The following MTCL3 variants were observed in gnomAD, a reference collection of about 807,000 sequenced individuals.
The protein encoded by MTCL3 is MTCL family member 3, also known as microtubule cross-linking factor 3.
At chr6:127,496,667 C>T in the MTCL3 span, among the ~76,000 whole-genome samples, 3 of 152,148 alleles carry the variant, frequency 2.0e-5, no homozygotes, top group African/African-American at 7.2e-5. Context: ...TTGGAAACAA[C>T]CCAAAATTCC....
the MTCL3 span, among the ~76,000 whole-genome samples, chr6:127,490,570 G>A: frequency 1.3e-5 from 2 of 151,632 alleles, no homozygotes; most frequent in East Asian, 3.9e-4. Context: ...TGTAATCCAA[G>A]CACTTTGGGA....
At chr6:127,473,275 A>T in the MTCL3 span, 4 of 1,514,410 alleles carry the variant, frequency 2.6e-6, no homozygotes, top group Non-Finnish European at 3.5e-6. Context: ...GTAAATGATG[A>T]AAGATTTACA....
chr6:127,485,415 T>C, the MTCL3 span, among the ~76,000 whole-genome samples: 5 of 152,122 alleles, frequency 3.3e-5, no homozygotes. Flanking sequence ...TTGAAGGACA[T>C]TGAATAAAGA....
the MTCL3 span, among the ~76,000 whole-genome samples, chr6:127,478,625 C>T: frequency 6.6e-6 from 1 of 152,100 alleles, no homozygotes; most frequent in Non-Finnish European, 1.5e-5. Context: ...GCACTTAGAG[C>T]TCAGGTCTAG....
chr6:127,492,756 T>G, the MTCL3 span, among the ~76,000 whole-genome samples: 20,975 of 152,184 alleles, frequency 0.14, 2,260 homozygotes, highest in East Asian at 0.64. Context: ...TCTCATGACC[T>G]CGTGATCCAC....
chr6:127,515,412 C>T, the MTCL3 span: 1 of 1,169,308 alleles, frequency 8.6e-7, no homozygotes, highest in Non-Finnish European at 1.2e-6. This position sits in a 1 kb window ranked among gnomAD's most constrained non-coding sequence, Gnocchi z 4.3. Context: ...CTCTTCAAGG[C>T]TCCCTAACAG....
chr6:127,516,359 C>G, the MTCL3 span: 84 of 1,599,152 alleles, frequency 5.3e-5, no homozygotes, highest in Non-Finnish European at 6.8e-5. Context: ...GTGCGGCTCC[C>G]GGTCTTGTTA....
At chr6:127,480,573 G>A in the MTCL3 span, among the ~76,000 whole-genome samples, 19 of 152,130 alleles carry the variant, frequency 1.2e-4, no homozygotes, top group African/African-American at 7.2e-5. Context: ...GTGTGATTTC[G>A]CATAGAAAAA....
the MTCL3 span, chr6:127,516,227 C>T: frequency 1.4e-6 from 2 of 1,432,998 alleles, no homozygotes; most frequent in Non-Finnish European, 1.8e-6. Context: ...GCCAGGGTCG[C>T]GGCGGGGGCC....
chr6:127,498,157 C>G, the MTCL3 span, among the ~76,000 whole-genome samples: 3 of 152,084 alleles, frequency 2.0e-5, no homozygotes, highest in Non-Finnish European at 4.4e-5. Context: ...ACTAAAAAGA[C>G]AAGCCTAAGA....
the MTCL3 span, among the ~76,000 whole-genome samples, chr6:127,506,583 T>C: frequency 6.6e-6 from 1 of 151,892 alleles, no homozygotes; most frequent in South Asian, 2.1e-4. Context: ...CCCTCCCCCG[T>C]CTTTATTTAT....
the MTCL3 span, chr6:127,516,677 C>T: frequency 1.3e-6 from 2 of 1,526,112 alleles, no homozygotes; most frequent in Non-Finnish European, 1.8e-6. Flanking sequence ...CTTCCCTCTT[C>T]ACCGCCGCCA....
the MTCL3 span, among the ~76,000 whole-genome samples, chr6:127,484,370 T>C: frequency 2.0e-5 from 3 of 152,164 alleles, no homozygotes; most frequent in Non-Finnish European, 4.4e-5. Context: ...GAAGAAGTTC[T>C]TTCTGTTGCT....
At chr6:127,508,108 A>T in the MTCL3 span, among the ~76,000 whole-genome samples, 8 of 152,152 alleles carry the variant, frequency 5.3e-5, no homozygotes, top group Non-Finnish European at 8.8e-5. Flanking sequence ...TTAAAATGTT[A>T]AGTAAACTAC....
At chr6:127,506,045 A>G in the MTCL3 span, among the ~76,000 whole-genome samples, 1 of 152,186 alleles carries the variant, frequency 6.6e-6, no homozygotes, top group Non-Finnish European at 1.5e-5. Context: ...CATATTAAAA[A>G]CTGAGGCCTA....
chr6:127,503,987 A>G, the MTCL3 span, among the ~76,000 whole-genome samples: 2 of 152,186 alleles, frequency 1.3e-5, no homozygotes, highest in Admixed American at 6.5e-5. Flanking sequence ...TGTTGTGGAC[A>G]CAGTTAATAA....
At chr6:127,518,446 T>C in the MTCL3 span, 1 of 152,330 alleles carries the variant, frequency 6.6e-6, no homozygotes, top group South Asian at 2.1e-4. Flanking sequence ...TCTTCAAGGC[T>C]TTCCCGGTGA....
the MTCL3 span, chr6:127,515,618 C>T: frequency 7.1e-7 from 1 of 1,414,920 alleles, no homozygotes; most frequent in East Asian, 2.9e-5. This position sits in a 1 kb window ranked among gnomAD's most constrained non-coding sequence, Gnocchi z 4.3. Context: ...GGCGCTGCCG[C>T]CTGCATGCCC....
the MTCL3 span, among the ~76,000 whole-genome samples, chr6:127,485,848 C>T: frequency 2.2e-4 from 34 of 152,150 alleles, no homozygotes; most frequent in African/African-American, 7.5e-4. Flanking sequence ...AAGGAAGAAG[C>T]TCTAATTCCA....
Sources: allele counts gnomAD v4.1 joint callset (sites outside exome capture counted in the v4.1 genomes callset), GRCh38; gene constraint gnomAD v4.1.1; non-coding constraint Gnocchi (gnomAD v3.1); transcripts MANE v1.5; gene names NCBI Gene and HGNC (gene_info 2026-07-23, HGNC 2026-07-21).